ADD1: variants seen among roughly 807,000 people sequenced by gnomAD.
The protein encoded by ADD1 is adducin 1.
A neutral mutation model predicts 80.5 loss-of-function variants in ADD1; 24 were observed. The ratio of observed to expected loss-of-function variants is 0.30; its 90% confidence interval spans 0.22 to 0.42. ADD1 has a LOEUF of 0.42. ADD1 is among the 10% of genes least tolerant of loss of function. ADD1 has a pLI of 1.00. For missense variants in ADD1, 948 were observed against 1,019.0 expected (o/e 0.93, Z 0.95); for synonymous variants, 373 against 393.8 (o/e 0.95, Z 0.63).
intron 6 of ADD1, among the ~76,000 whole-genome samples, chr4:2,897,420 AC>A (rs1735424763): frequency 6.7e-6 from 1 of 148,930 alleles, no homozygotes; most frequent in African/African-American, 2.4e-5. Context: ...ATATATAATT[AC>A]ATTATATATA....
chr4:2,890,309 A>T lies in ADD1; in HGVS notation c.511-3704A>T, dbSNP rs73189457. 5.1e-3 allele frequency among the ~76,000 whole-genome samples: 777 copies of T among 152,356 alleles called. 2 individuals are homozygous for T. The highest frequency in any genetic ancestry group is 0.024 in the Middle Eastern group (7 of 294). On this transcript the variant is annotated intron_variant, in intron 4 of 15. Transcript: ENST00000683351. ...GAATTTCACAGAAGGGGAAATAAGA[A>T]TGCCTTATAAAAATATGAAAAGTTA...
intron 1 of ADD1, among the ~76,000 whole-genome samples, chr4:2,863,872 A>G (rs1472258980): frequency 2.0e-5 from 3 of 152,090 alleles, no homozygotes; most frequent in Non-Finnish European, 2.9e-5. Flanking sequence ...CCTGGCTACT[A>G]TACCCTGTTT....
intron 4 of ADD1, among the ~76,000 whole-genome samples, chr4:2,888,271 G>T (rs1396581547): frequency 6.6e-6 from 1 of 151,886 alleles, no homozygotes; most frequent in Non-Finnish European, 1.5e-5. Context: ...TAGAGATGGG[G>T]TTTCACCATG....
chr4:2,868,875 G>A (rs1187516068), intron 1 of ADD1, among the ~76,000 whole-genome samples: 2 of 152,098 alleles, frequency 1.3e-5, no homozygotes, highest in Admixed American at 6.5e-5. Context: ...CATTCGAGTT[G>A]GATATTGAGA....
intron 15 of ADD1, among the ~76,000 whole-genome samples, chr4:2,927,509 G>A (rs974662042): frequency 2.0e-5 from 3 of 152,216 alleles, no homozygotes; most frequent in South Asian, 2.1e-4. Flanking sequence ...TGGACAGAGC[G>A]GGTGCCCGGG....
At chr4:2,871,795 TC>T (rs992040720) in intron 1 of ADD1, among the ~76,000 whole-genome samples, 4 of 152,242 alleles carry the variant, frequency 2.6e-5, no homozygotes, top group African/African-American at 7.2e-5. Context: ...TCTAATATAA[TC>T]CTAGTAATAC....
chr4:2,894,465 C>G, intron 5 of ADD1, 117 bp from the exon 6 acceptor site: 2 of 883,056 alleles, frequency 2.3e-6, no homozygotes, highest in Non-Finnish European at 3.3e-6. Flanking sequence ...AGGCCGAGGT[C>G]GCACCACTGC....
chr4:2,920,252 A>G (rs1451186922), intron 14 of ADD1, among the ~76,000 whole-genome samples: 25 of 152,188 alleles, frequency 1.6e-4, no homozygotes, highest in Admixed American at 1.4e-3. Flanking sequence ...TTTACTTCCA[A>G]TTAGGTGGTC....
At chr4:2,890,910 A>G (rs1199648430) in intron 4 of ADD1, among the ~76,000 whole-genome samples, 1 of 152,156 alleles carries the variant, frequency 6.6e-6, no homozygotes, top group African/African-American at 2.4e-5. Flanking sequence ...ACCAGTATAT[A>G]CACAGATCCC....
At chr4:2,852,812 C>G (rs1727516846) in intron 1 of ADD1, among the ~76,000 whole-genome samples, 2 of 151,638 alleles carry the variant, frequency 1.3e-5, no homozygotes, top group South Asian at 4.2e-4. Flanking sequence ...GCAGTCCTCC[C>G]ACCCAGCTTC....
chr4:2,856,591 T>C (rs947796790), intron 1 of ADD1, among the ~76,000 whole-genome samples: 2 of 148,354 alleles, frequency 1.3e-5, no homozygotes, highest in East Asian at 3.9e-4. Flanking sequence ...AGAGTTTTTT[T>C]TTTTTTTTTT....
intron 13 of ADD1, among the ~76,000 whole-genome samples, chr4:2,911,481 C>G (rs1207293387): frequency 7.0e-6 from 1 of 143,114 alleles, no homozygotes; most frequent in Admixed American, 7.0e-5. Context: ...GGGTCTCACT[C>G]TGTTGTCCAG....
intron 1 of ADD1, among the ~76,000 whole-genome samples, chr4:2,861,982 A>G (rs528046972): frequency 6.6e-6 from 1 of 152,326 alleles, no homozygotes; most frequent in African/African-American, 2.4e-5. Flanking sequence ...GTGTGGCCCG[A>G]GACAATTCTT....
At chr4:2,881,850 A>T in intron 2 of ADD1, 48 bp from the exon 3 acceptor site, 1 of 1,526,998 alleles carries the variant, frequency 6.5e-7, no homozygotes, top group Non-Finnish European at 8.8e-7. Flanking sequence ...CCCCTGCCCA[A>T]GGAACAGAAA....
At chr4:2,914,863 A>T in intron 13 of ADD1, 21 bp from the exon 14 acceptor site, 3 of 1,597,178 alleles carry the variant, frequency 1.9e-6, no homozygotes, top group Non-Finnish European at 2.6e-6. Flanking sequence ...CCTGCAGACC[A>T]GATGTGCCTT....
At chr4:2,902,582 T>A (rs1736368386) in intron 9 of ADD1, 1 of 151,762 alleles carries the variant, frequency 6.6e-6, no homozygotes, top group Non-Finnish European at 1.5e-5. Flanking sequence ...CTACAAAAAT[T>A]AGCCAGGTGT....
chr4:2,906,274 C>G (rs1737047133), intron 10 of ADD1, among the ~76,000 whole-genome samples: 1 of 152,110 alleles, frequency 6.6e-6, no homozygotes. Context: ...GGGAGTGCGT[C>G]TCTCCTCTTC....
intron 9 of ADD1, among the ~76,000 whole-genome samples, chr4:2,904,132 A>C (rs1310187463): frequency 6.6e-6 from 1 of 152,148 alleles, no homozygotes; most frequent in East Asian, 1.9e-4. Flanking sequence ...TGGGTGTTCA[A>C]CTTTAATTTT....
At chr4:2,918,208 T>C (rs1449005549) in intron 14 of ADD1, among the ~76,000 whole-genome samples, 2 of 152,238 alleles carry the variant, frequency 1.3e-5, no homozygotes, top group Admixed American at 6.5e-5. Context: ...CAGTGGTTTG[T>C]AGTTCTCCTC....
Sources: allele counts gnomAD v4.1 joint callset (sites outside exome capture counted in the v4.1 genomes callset), GRCh38; gene constraint gnomAD v4.1.1; transcripts MANE v1.5; gene names NCBI Gene and HGNC (gene_info 2026-07-23, HGNC 2026-07-21).